Variants in ENTREP1 observed in about 807,000 individuals in gnomAD.
ENTREP1 encodes endosomal transmembrane epsin interactor 1, also known as Friedreich ataxia region gene X123.
the ENTREP1 span, chr9:69,382,709 T>C: frequency 6.6e-6 from 1 of 152,362 alleles, no homozygotes; most frequent in Admixed American, 6.5e-5. Context: ...ATTTTGTATA[T>C]AGCCACAAAG....
chr9:69,351,554 C>A, the ENTREP1 span, among the ~76,000 whole-genome samples: 39 of 152,268 alleles, frequency 2.6e-4, no homozygotes, highest in East Asian at 7.3e-3. Flanking sequence ...GTAGCTGGGA[C>A]TACAGACATG....
the ENTREP1 span, among the ~76,000 whole-genome samples, chr9:69,375,020 G>T: frequency 2.0e-5 from 3 of 152,192 alleles, no homozygotes; most frequent in Non-Finnish European, 4.4e-5. Context: ...TGGTATTCGT[G>T]ATCATTTGTA....
At chr9:69,391,467 G>T in the ENTREP1 span, 1 of 687,640 alleles carries the variant, frequency 1.5e-6, no homozygotes, top group South Asian at 1.9e-5. Flanking sequence ...GTTCCACTTT[G>T]GGAAAATGCC....
At chr9:69,380,591 T>C in the ENTREP1 span, 1 of 152,248 alleles carries the variant, frequency 6.6e-6, no homozygotes, top group Admixed American at 6.5e-5. Flanking sequence ...CAGTTGAGGT[T>C]TCTGTCCAAA....
chr9:69,340,754 T>C, the ENTREP1 span, among the ~76,000 whole-genome samples: 4 of 99,408 alleles, frequency 4.0e-5, no homozygotes, highest in East Asian at 2.6e-4. Flanking sequence ...TGTTTGTGTG[T>C]GTGCGTGCAT....
chr9:69,349,316 A>C, the ENTREP1 span, among the ~76,000 whole-genome samples: 1 of 151,896 alleles, frequency 6.6e-6, no homozygotes, highest in African/African-American at 2.4e-5. Context: ...TTGCTGATTC[A>C]TGTGGTAACT....
At chr9:69,342,427 C>CT in the ENTREP1 span, among the ~76,000 whole-genome samples, 1 of 152,142 alleles carries the variant, frequency 6.6e-6, no homozygotes, top group African/African-American at 2.4e-5. Flanking sequence ...CCAACAGTGG[C>CT]TTTTTTGTGG....
the ENTREP1 span, among the ~76,000 whole-genome samples, chr9:69,346,737 G>A: frequency 6.6e-6 from 1 of 152,162 alleles, no homozygotes; most frequent in African/African-American, 2.4e-5. Flanking sequence ...TTGGTATAAG[G>A]GATGCCAACA....
the ENTREP1 span, among the ~76,000 whole-genome samples, chr9:69,384,202 GA>G: frequency 0.46 from 68,457 of 150,184 alleles, 15,962 homozygotes; most frequent in Admixed American, 0.51. Context: ...TCTACAAACG[GA>G]AAAAAAAAAT....
chr9:69,372,504 A>C, the ENTREP1 span, among the ~76,000 whole-genome samples: 2 of 152,142 alleles, frequency 1.3e-5, no homozygotes, highest in Admixed American at 6.5e-5. Context: ...ATGTTGTAGC[A>C]TGTGTTAGAA....
chr9:69,360,115 A>C, the ENTREP1 span, among the ~76,000 whole-genome samples: 48,728 of 152,078 alleles, frequency 0.32, 9,176 homozygotes, highest in Admixed American at 0.4. Flanking sequence ...AATTAAACAC[A>C]CATTTATCTC....
At chr9:69,387,037 C>T in the ENTREP1 span, 3 of 152,204 alleles carry the variant, frequency 2.0e-5, no homozygotes, top group African/African-American at 7.2e-5. Flanking sequence ...TTCCAGAACC[C>T]CTTCTCATTC....
the ENTREP1 span, chr9:69,377,677 G>A: frequency 6.2e-7 from 1 of 1,614,046 alleles, no homozygotes; most frequent in Non-Finnish European, 8.5e-7. Flanking sequence ...TGATGATTTT[G>A]TGCCGCCTGT....
chr9:69,381,145 C>T, the ENTREP1 span: 1 of 152,224 alleles, frequency 6.6e-6, no homozygotes, highest in South Asian at 2.1e-4. Flanking sequence ...TTTCCATCTT[C>T]AGTGCTCCTG....
the ENTREP1 span, among the ~76,000 whole-genome samples, chr9:69,365,382 T>TTGATACATAATA: frequency 6.6e-6 from 1 of 152,130 alleles, no homozygotes; most frequent in African/African-American, 2.4e-5. Context: ...TTTTAAAAAA[T>TTGATACATAATA]TGATACATAA....
the ENTREP1 span, among the ~76,000 whole-genome samples, chr9:69,364,467 C>T: frequency 2.6e-5 from 4 of 151,612 alleles, no homozygotes; most frequent in African/African-American, 4.9e-5. Flanking sequence ...GTTGCTGAGT[C>T]GTCTTTGTGA....
the ENTREP1 span, among the ~76,000 whole-genome samples, chr9:69,385,640 C>G: frequency 1.8e-4 from 28 of 152,152 alleles, no homozygotes; most frequent in African/African-American, 6.8e-4. Context: ...TAAAAACTTA[C>G]TGGGCCAGCA....
the ENTREP1 span, chr9:69,386,801 A>T: frequency 6.6e-6 from 1 of 152,200 alleles, no homozygotes; most frequent in African/African-American, 2.4e-5. Flanking sequence ...TGGACTGACC[A>T]TGTGCGAGCC....
the ENTREP1 span, among the ~76,000 whole-genome samples, chr9:69,352,419 A>G: frequency 1.3e-5 from 2 of 152,168 alleles, no homozygotes; most frequent in Non-Finnish European, 2.9e-5. Context: ...GCACCCAGCC[A>G]TGTTGTTAGA....
Sources: gnomAD v4.1 joint callset for allele counts (sites outside exome capture counted in the v4.1 genomes callset) on GRCh38, gnomAD v4.1.1 for gene constraint, MANE v1.5 for transcripts, NCBI Gene and HGNC (gene_info 2026-07-23, HGNC 2026-07-21) for gene names.